ADGRL2: variants seen among roughly 807,000 people sequenced by gnomAD.
ADGRL2 encodes calcium-independent alpha-latrotoxin receptor 2.
Under a neutral mutation model 157.4 loss-of-function variants are expected in ADGRL2, and 44 were observed. That is an observed-to-expected ratio of 0.28 (90% confidence interval 0.22 to 0.36). ADGRL2 has a LOEUF of 0.36. ADGRL2 is among the 10% of genes least tolerant of loss of function. The probability of loss-of-function intolerance (pLI) is 1.00; values close to 1 mark genes in which losing one functional copy is unlikely to be tolerated. For synonymous variants in ADGRL2, 585 were observed against 624.7 expected, an observed-to-expected ratio of 0.94 and a Z score of 0.95; for missense variants, 1,510 against 1,768.9, an observed-to-expected ratio of 0.85 and a Z score of 2.63.
intron 1 of ADGRL2, among the ~76,000 whole-genome samples, chr1:81,740,091 G>A (rs1338064429): frequency 6.6e-6 from 1 of 152,190 alleles, no homozygotes; most frequent in African/African-American, 2.4e-5. Context: ...GATGAGGGTT[G>A]GCTGAACTCA....
At chr1:81,978,237 A>G (rs1187136601) in intron 17 of ADGRL2, among the ~76,000 whole-genome samples, 1 of 151,734 alleles carries the variant, frequency 6.6e-6, no homozygotes, top group Non-Finnish European at 1.5e-5. Context: ...CAATACAATA[A>G]GCACATCCTT....
At chr1:81,430,214 G>A (rs568472470) in intron 1 of ADGRL2, among the ~76,000 whole-genome samples, 1 of 152,262 alleles carries the variant, frequency 6.6e-6, no homozygotes, top group South Asian at 2.1e-4. Context: ...ATTGTAATGG[G>A]GGAAATAGGC....
chr1:81,332,424 T>C (rs1364594870), intron 1 of ADGRL2, among the ~76,000 whole-genome samples: 1 of 152,150 alleles, frequency 6.6e-6, no homozygotes. Context: ...AGAATTTTCA[T>C]AAAATATTTA....
intron 2 of ADGRL2, among the ~76,000 whole-genome samples, chr1:81,851,857 A>T (rs1304250054): frequency 6.6e-6 from 1 of 151,828 alleles, no homozygotes; most frequent in Non-Finnish European, 1.5e-5. Context: ...GGTCTAATTT[A>T]GAAAAAGAAG....
At chr1:81,837,813 A>G (rs1571562036) in intron 2 of ADGRL2, among the ~76,000 whole-genome samples, 1 of 152,114 alleles carries the variant, frequency 6.6e-6, no homozygotes, top group East Asian at 1.9e-4. Flanking sequence ...TCCACATGAA[A>G]ACAACACACA....
chr1:81,500,669 T>C (rs756557214), intron 2 of ADGRL2, among the ~76,000 whole-genome samples: 3 of 152,178 alleles, frequency 2.0e-5, no homozygotes, highest in Admixed American at 6.6e-5. Context: ...TGGGGACTTA[T>C]TGTTTAATGG....
chr1:81,519,778 T>C (rs2079268353), intron 2 of ADGRL2, among the ~76,000 whole-genome samples: 1 of 152,180 alleles, frequency 6.6e-6, no homozygotes, highest in Non-Finnish European at 1.5e-5. Flanking sequence ...TAATGACTCA[T>C]CCTTCAACCT....
At chr1:81,661,995 G>A (rs1042063827) in intron 3 of ADGRL2, among the ~76,000 whole-genome samples, 1 of 148,840 alleles carries the variant, frequency 6.7e-6, no homozygotes, top group African/African-American at 2.5e-5. Context: ...CAACTTAAGA[G>A]TTTTTTTTTT....
chr1:81,534,781 G>C (rs1438274138), intron 2 of ADGRL2, among the ~76,000 whole-genome samples: 1 of 152,186 alleles, frequency 6.6e-6, no homozygotes. Flanking sequence ...CCATCTGAGA[G>C]ACACCTTGCA....
chr1:81,404,500 T>C (rs3890825), intron 1 of ADGRL2, among the ~76,000 whole-genome samples: 29,346 of 152,118 alleles, frequency 0.19, 2,960 homozygotes, highest in African/African-American at 0.25. Flanking sequence ...GGCATAAGGA[T>C]GCTATTGGGC....
intron 2 of ADGRL2, among the ~76,000 whole-genome samples, chr1:81,460,430 TAAGA>T (rs1353627163): frequency 1.3e-5 from 2 of 152,130 alleles, no homozygotes; most frequent in African/African-American, 4.8e-5. Context: ...TCAGCCAACT[TAAGA>T]AAAACTTATG....
At chr1:81,461,830 G>A (rs185479024) in intron 2 of ADGRL2, among the ~76,000 whole-genome samples, 21 of 148,954 alleles carry the variant, frequency 1.4e-4, no homozygotes, top group Admixed American at 1.3e-3. Context: ...CAGGAATAAA[G>A]GCATGAAATG....
At chr1:81,350,945 A>G (rs546402360) in intron 1 of ADGRL2, among the ~76,000 whole-genome samples, 2 of 152,318 alleles carry the variant, frequency 1.3e-5, no homozygotes, top group Admixed American at 6.5e-5. Flanking sequence ...CAGTGCTCAT[A>G]TGTTTTTATT....
At chr1:81,500,475 A>G (rs2078822951) in intron 2 of ADGRL2, among the ~76,000 whole-genome samples, 1 of 152,230 alleles carries the variant, frequency 6.6e-6, no homozygotes, top group Non-Finnish European at 1.5e-5. Context: ...CCTCTTCAAA[A>G]GGAATAAAAT....
rs1262749329 is a variant in ADGRL2 at position 81,984,634 on chromosome 1, C to G, written c.3334C>G (p.Leu1112Val). ...CFRHSYCCGGLPTESPHSSVK... is the reference protein window; with the variant it reads ...CFRHSYCCGGVPTESPHSSVK... The stretch of plus-strand genomic sequence containing the variant: ...CAGACACTCATACTGCTGTGGAGGC[C>G]TCCCAACTGAGAGTCCCCACAGTTC... The change falls in exon 20 of 24, where the codon CTC becomes GTC. Residue 1112 changes from leucine to valine, a missense_variant. Transcript: ENST00000686636. The G allele has an allele frequency of 1.2e-6, 2 of 1,612,740 alleles. No homozygotes were observed. The highest frequency in any genetic ancestry group is 1.3e-5 in the African/African-American group (1 of 74,830).
intron 1 of ADGRL2, among the ~76,000 whole-genome samples, chr1:81,818,011 AAAATAAAT>A (rs35125297): frequency 1.3e-5 from 2 of 151,298 alleles, no homozygotes; most frequent in East Asian, 2.0e-4. Context: ...AGAAATTAAA[AAAATAAAT>A]AAATAAATAG....
intron 1 of ADGRL2, among the ~76,000 whole-genome samples, chr1:81,308,069 A>G (rs1214266213): frequency 6.6e-6 from 1 of 152,096 alleles, no homozygotes; most frequent in Non-Finnish European, 1.5e-5. Flanking sequence ...TAGGATAGCA[A>G]CCGAAAAAAA....
intron 1 of ADGRL2, among the ~76,000 whole-genome samples, chr1:81,440,525 C>T (rs2077489093): frequency 6.6e-6 from 1 of 152,160 alleles, no homozygotes; most frequent in African/African-American, 2.4e-5. Flanking sequence ...TAAATTTAGA[C>T]AATCCCGCAG....
intron 3 of ADGRL2, among the ~76,000 whole-genome samples, chr1:81,928,161 G>T (rs551787617): frequency 6.6e-6 from 1 of 152,040 alleles, no homozygotes; most frequent in Non-Finnish European, 1.5e-5. Context: ...AAAGACAGTG[G>T]CTAGAGTACT....
Sources: allele counts gnomAD v4.1 joint callset (sites outside exome capture counted in the v4.1 genomes callset), GRCh38; gene constraint gnomAD v4.1.1; transcripts MANE v1.5; gene names NCBI Gene and HGNC (gene_info 2026-07-23, HGNC 2026-07-21).